ARID5A: variants seen among roughly 807,000 people sequenced by gnomAD.
The protein encoded by ARID5A is AT-rich interactive domain-containing protein 5A.
In ARID5A, 14 loss-of-function variants were observed where a neutral mutation model predicts 30.5. That is an observed-to-expected ratio of 0.46 (90% CI 0.30 to 0.72). ARID5A has a LOEUF of 0.72. ARID5A is among the 30% of genes least tolerant of loss of function. ARID5A has a pLI of 0.07. For synonymous variants in ARID5A, 338 were observed against 340.4 expected (o/e 0.99, Z 0.08); for missense variants, 669 against 786.2 (o/e 0.85, Z 1.78).
At chr2:96,538,434 C>T in intron 1 of ARID5A, 1 of 687,420 alleles carries the variant, frequency 1.5e-6, no homozygotes, top group Non-Finnish European at 1.8e-6. Flanking sequence ...TCAGCTGCCC[C>T]CAGACCCTGT....
rs912418494 is a variant in ARID5A, at chr2:96,550,297, C to T, written c.410+12C>T. 9 of 1,436,694 alleles carry T rather than the reference C, an allele frequency of 6.3e-6. No homozygotes were observed. In the East Asian group the frequency reaches 1.0e-4, roughly 17 times the overall value. The allele number at this position is 1,436,694 out of a possible 1,614,324, so 89.0% of individuals were successfully genotyped here. A position where few individuals can be genotyped will look rare whatever the true frequency, so the allele number is the denominator to read the frequency against. ...CGCCACTACGAGAGGTACGGCGGGG[C>T]GGGCCCGGGTGCTGGACGCCGCCTA... On this transcript the variant is annotated intron_variant, in intron 5 of 6. Coordinates refer to ENST00000357485, the MANE Select transcript of ARID5A (RefSeq NM_212481.3). The surrounding 1 kb of genome is among the most constrained non-coding windows in gnomAD (Gnocchi z 6.6).
At chr2:96,540,748 T>G (rs1452229736) in intron 1 of ARID5A, among the ~76,000 whole-genome samples, 2 of 152,164 alleles carry the variant, frequency 1.3e-5, no homozygotes, top group Non-Finnish European at 2.9e-5. Context: ...GGTTTTTTGT[T>G]TGTTTGTTTG....
At chr2:96,545,119 CTT>C (rs55962613) in intron 1 of ARID5A, among the ~76,000 whole-genome samples, 1 of 146,104 alleles carries the variant, frequency 6.8e-6, no homozygotes, top group South Asian at 2.1e-4. Context: ...TTTTTTTCTT[CTT>C]TTTTTTTCTT....
intron 2 of ARID5A, 115 bp downstream of exon 2, chr2:96,547,632 C>G (rs376284532): frequency 7.5e-6 from 7 of 927,612 alleles, no homozygotes; most frequent in East Asian, 5.5e-5. Flanking sequence ...AGATATGTTC[C>G]TACCCTGGCC....
intron 1 of ARID5A, among the ~76,000 whole-genome samples, chr2:96,541,973 C>T (rs536983042): frequency 4.6e-5 from 7 of 152,334 alleles, no homozygotes; most frequent in Non-Finnish European, 8.8e-5. Flanking sequence ...CTTTTCCCTC[C>T]TCCACAGAGC....
intron 1 of ARID5A, among the ~76,000 whole-genome samples, chr2:96,542,717 G>A (rs941230947): frequency 2.0e-5 from 3 of 152,130 alleles, no homozygotes; most frequent in African/African-American, 7.2e-5. Flanking sequence ...AAGGTGCAGC[G>A]ACTTGCCAAG....
chr2:96,544,430 T>A (rs2065893101), intron 1 of ARID5A, among the ~76,000 whole-genome samples: 1 of 152,226 alleles, frequency 6.6e-6, no homozygotes, highest in African/African-American at 2.4e-5. Flanking sequence ...TGACTTTAAG[T>A]TGAAGCCTGT....
rs756457396 is a variant in ARID5A at position 96,552,218 on chromosome 2, C to T, written c.1690C>T (p.Arg564Cys). 1.4e-5 allele frequency: 23 copies of T among 1,613,486 alleles called. 1 individual carries two copies. Among genetic ancestry groups the T allele is most frequent in the South Asian group, 4.4e-5 (4 of 91,054 alleles). ...CCCAACGTCCTTCGACAGTGCCCTC[C>T]GCCACAGACTTTGCCCGGCCTCATC... ...FPPTSFDSAL[R>C]HRLCPASSAW... The change falls in exon 7 of 7, where the codon CGC (arginine) becomes TGC (cysteine). Residue 564 changes from arginine to cysteine, a missense_variant. Physicochemically the swap from Arg to Cys is radical, Grantham distance 180. Coordinates refer to ENST00000357485, the MANE Select transcript of ARID5A (RefSeq NM_212481.3).
In ARID5A at chr2:96,551,081, G is replaced by A; in HGVS notation, c.571-18G>A. On this transcript the variant is annotated intron_variant, in intron 6 of 6. Coordinates refer to ENST00000357485, the MANE Select transcript of ARID5A (RefSeq NM_212481.3). Reference sequence around the variant, plus strand: ...TGGGGCTGAGGCAGTCCTGAGGCAAGACTTTCTCTCATTCCAGATGATGCC... The same window carrying A: ...TGGGGCTGAGGCAGTCCTGAGGCAAAACTTTCTCTCATTCCAGATGATGCC... 6.3e-7 allele frequency: 1 copy of A among 1,599,136 alleles called. No individual in the cohort carries two copies. The highest frequency in any genetic ancestry group is 8.5e-7 in the Non-Finnish European group (1 of 1,171,826).
chr2:96,551,333 A>C lies in ARID5A; in HGVS notation c.805A>C (p.Lys269Gln), dbSNP rs775461772. ...AKKKLLAQVS[K>Q]VEALQCQEEG... ...AAAGAAGCTCCTGGCCCAGGTGAGC[A>C]AGGTGGAGGCCTTGCAGTGCCAGGA... Residue 269 changes from lysine to glutamine, a missense_variant, in exon 7 of 7, where the codon AAG (lysine) becomes CAG (glutamine). Physicochemically the swap from Lys to Gln is moderately conservative, Grantham distance 53. This residue lies in a region of ARID5A where 548 missense variants were observed against 577.4 expected (regional missense o/e 0.95). Coordinates refer to ENST00000357485, the MANE Select transcript of ARID5A (RefSeq NM_212481.3). The C allele has an allele frequency of 8.7e-6, 14 of 1,613,420 alleles. No homozygotes were observed. In the African/African-American group the frequency reaches 1.5e-4, roughly 17 times the overall value.
rs568830867 is a variant in ARID5A at position 96,539,158 on chromosome 2, T to C, written c.4+2328T>C. ...GAAGCCTCCTTTCTCTTCTCACTTT[T>C]TTCTGCTGAGAACATTGGGCACATT... On this transcript the variant is annotated intron_variant, in intron 1 of 6. Coordinates refer to ENST00000357485, the MANE Select transcript of ARID5A (RefSeq NM_212481.3). The surrounding 1 kb of genome is among the most constrained non-coding windows in gnomAD (Gnocchi z 4.7). 6.6e-6 allele frequency among the ~76,000 whole-genome samples: 1 copy of C among 152,310 alleles called. No individual in the cohort carries two copies. Among genetic ancestry groups the C allele is most frequent in the South Asian group, 2.1e-4 (1 of 4,820 alleles).
rs1360627368 is a variant in ARID5A at position 96,549,919 on chromosome 2, G to GTCCC, written c.312+116_312+119dup. ...CCAGGATCCCCAGTCCTACCCCTGCGTCCCTGCCTCCCTGCCTTCCCCGCT... is the reference window on the plus strand; with the variant it reads ...CCAGGATCCCCAGTCCTACCCCTGCGTCCCTCCCTGCCTCCCTGCCTTCCCCGCT... On this transcript the variant is annotated intron_variant, in intron 4 of 6. Transcript: ENST00000357485. This position sits in a 1 kb window ranked among gnomAD's most constrained non-coding sequence, Gnocchi z 6.1. The GTCCC allele has an allele frequency of 1.3e-6, 2 of 1,533,718 alleles. No homozygotes were observed. The highest frequency in any genetic ancestry group is 1.8e-6 in the Non-Finnish European group (2 of 1,138,612).
intron 1 of ARID5A, among the ~76,000 whole-genome samples, chr2:96,543,180 C>T (rs1254940903): frequency 1.3e-5 from 2 of 152,220 alleles, no homozygotes; most frequent in African/African-American, 4.8e-5. Context: ...TTGATAACCA[C>T]AGCAGCCACT....
intron 2 of ARID5A, among the ~76,000 whole-genome samples, 157 bp downstream of exon 2, chr2:96,547,674 C>T (rs2104693797): frequency 6.6e-6 from 1 of 152,328 alleles, no homozygotes; most frequent in South Asian, 2.1e-4. Context: ...TACTTGTCAT[C>T]TGTGGCAGAG....
In ARID5A at chr2:96,549,941, C is replaced by T. The variant is rs1185011631; in HGVS notation, c.312+136C>T. 3.3e-6 allele frequency: 5 copies of T among 1,527,186 alleles called. No individual in the cohort carries two copies. Among genetic ancestry groups the T allele is most frequent in the Non-Finnish European group, 3.5e-6 (4 of 1,136,268 alleles). 94.6% of individuals were successfully genotyped at this position (1,527,186 alleles called of 1,614,324 possible). A position where few individuals can be genotyped will look rare whatever the true frequency, so the allele number is the denominator to read the frequency against. ...TGCGTCCCTGCCTCCCTGCCTTCCC[C>T]GCTGGTACTCTGCTGCTCAAAGCAG... On this transcript the variant is annotated intron_variant, in intron 4 of 6. Transcript: ENST00000357485. This position sits in a 1 kb window ranked among gnomAD's most constrained non-coding sequence, Gnocchi z 6.1.
Position 96,552,170 on chromosome 2 carries a change from G to A in ARID5A, c.1642G>A (p.Ala548Thr). The A allele has an allele frequency of 6.2e-7, 1 of 1,613,290 alleles. No individual in the cohort carries two copies. Reference protein sequence around the residue: ...FLATAGPSPMAAGLMHFPPTS... With the variant: ...FLATAGPSPMTAGLMHFPPTS... ...GGCCACCGCAGGCCCCTCGCCCATG[G>A]CCGCTGGCCTGATGCACTTCCCCCC... is the stretch of plus-strand genomic sequence containing the variant. Residue 548 changes from alanine (A) to threonine (T), a missense_variant, in exon 7 of 7, where the codon GCC (alanine) becomes ACC (threonine). Physicochemically the swap from Ala to Thr is moderately conservative, Grantham distance 58. Coordinates refer to ENST00000357485, the MANE Select transcript of ARID5A (RefSeq NM_212481.3).
At chr2:96,546,217 T>A (rs916588695) in intron 1 of ARID5A, among the ~76,000 whole-genome samples, 3 of 152,166 alleles carry the variant, frequency 2.0e-5, no homozygotes, top group Admixed American at 2.0e-4. Flanking sequence ...CTGTCTGGGA[T>A]GGAAGGGAAA....
At chr2:96,547,179 C>T (rs1459107387) in intron 1 of ARID5A, among the ~76,000 whole-genome samples, 8 of 150,738 alleles carry the variant, frequency 5.3e-5, no homozygotes, top group East Asian at 2.0e-4. Context: ...ATAATAGAGA[C>T]GGGGTCTCAC....
rs2065806914 is a variant in ARID5A, at chr2:96,539,533, C to A, written c.4+2703C>A. Among the ~76,000 whole-genome samples the A allele has an allele frequency of 6.6e-6, 1 of 152,250 alleles. No individual in the cohort carries two copies. The highest frequency in any genetic ancestry group is 2.4e-5 in the African/African-American group (1 of 41,468). Reference sequence around the variant, plus strand: ...GTTGGGCCCTGGCCAGAGCTGGCCCCCTACTCTCTCAGGTAACAGGTAGCA... The same window carrying A: ...GTTGGGCCCTGGCCAGAGCTGGCCCACTACTCTCTCAGGTAACAGGTAGCA... On this transcript the variant is annotated intron_variant, in intron 1 of 6. Transcript: ENST00000357485. This position sits in a 1 kb window ranked among gnomAD's most constrained non-coding sequence, Gnocchi z 4.7.
Sources: gnomAD v4.1 joint callset for allele counts (sites outside exome capture counted in the v4.1 genomes callset) on GRCh38, gnomAD v4.1.1 for gene constraint, gnomAD v4.1.1 regional missense constraint, Gnocchi (gnomAD v3.1) non-coding constraint, MANE v1.5 for transcripts, NCBI Gene and HGNC (gene_info 2026-07-23, HGNC 2026-07-21) for gene names.